WBP11: variants seen among roughly 807,000 people sequenced by gnomAD.
WBP11 encodes the protein WW domain binding protein 11.
WBP11 carries 12 observed loss-of-function variants against 66.7 expected under a neutral mutation model. The observed-to-expected ratio is 0.18, with a 90% CI of 0.12 to 0.29. The LOEUF is 0.29. WBP11 is among the 10% of genes least tolerant of loss of function. WBP11 has a pLI of 1.00. For synonymous variants in WBP11, 255 were observed against 273.8 expected, an observed-to-expected ratio of 0.93 and a Z score of 0.68; for missense variants, 555 against 818.3, an observed-to-expected ratio of 0.68 and a Z score of 3.93.
chr12:14,796,558 G>A lies in WBP11; in HGVS notation c.387+249C>T, dbSNP rs558299102. 6.6e-5 allele frequency among the ~76,000 whole-genome samples: 10 copies of A among 152,228 alleles called. No homozygotes were observed. The highest frequency in any genetic ancestry group is 2.4e-4 in the African/African-American group (10 of 41,548). ...CACACCTGACCTAATGTGATGGGTC[G>A]TAGTTTTGTTTCATGCACAAAATTT... On this transcript the variant is annotated intron_variant, in intron 5 of 11. Coordinates refer to ENST00000261167, the MANE Select transcript of WBP11 (RefSeq NM_016312.3). The surrounding 1 kb of genome is among the most constrained non-coding windows in gnomAD (Gnocchi z 4.5).
At chr12:14,792,890 G>A (rs1456278238) in intron 8 of WBP11, among the ~76,000 whole-genome samples, 1 of 150,756 alleles carries the variant, frequency 6.6e-6, no homozygotes, top group African/African-American at 2.4e-5. Flanking sequence ...AGGAAAAGAA[G>A]GCAAGAGACC....
intron 3 of WBP11, 89 bp downstream of exon 3, chr12:14,800,663 A>T: frequency 8.2e-7 from 1 of 1,214,182 alleles, no homozygotes; most frequent in Non-Finnish European, 1.2e-6. Flanking sequence ...AGAAAATATT[A>T]GAAATGTTAT....
chr12:14,791,402 A>G, intron 8 of WBP11, 132 bp from the exon 9 acceptor site: 1 of 587,278 alleles, frequency 1.7e-6, no homozygotes, highest in South Asian at 2.3e-5. Context: ...TGAGATAGCT[A>G]TACTAATGAT....
In WBP11 at chr12:14,793,711, A is replaced by T; in HGVS notation, c.913+20T>A. On this transcript the variant is annotated intron_variant, in intron 8 of 11. Transcript: ENST00000261167. ...TTTCTCTTTATTGATCAATACCATG[A>T]ATCCTTCATCTGCACATACCTGACT... 6.2e-7 allele frequency: 1 copy of T among 1,610,712 alleles called. No individual in the cohort carries two copies. The highest frequency in any genetic ancestry group is 1.1e-5 in the South Asian group (1 of 90,420).
In WBP11 at chr12:14,789,099, T is replaced by C. The variant is rs775677410; in HGVS notation, c.1344A>G (p.Pro448=). The change falls in exon 11 of 12, where the codon CCA becomes CCG. Residue 448 remains proline, a synonymous_variant. Coordinates refer to ENST00000261167, the MANE Select transcript of WBP11 (RefSeq NM_016312.3). Reference sequence around the variant, plus strand: ...GTCGGGGTAAGGGCCCTCGGAGTCCTGGCATTCCAGGTGGTCTCAGGAATG... The same window carrying C: ...GTCGGGGTAAGGGCCCTCGGAGTCCCGGCATTCCAGGTGGTCTCAGGAATG... The part of the protein sequence containing the change: ...APPFLRPPGM[P]GLRGPLPRLL... 6.6e-7 allele frequency: 1 copy of C among 1,526,624 alleles called. No homozygotes were observed. Among genetic ancestry groups the C allele is most frequent in the South Asian group, 1.3e-5 (1 of 75,140 alleles). The allele number at this position is 1,526,624 out of a possible 1,614,324, so 94.6% of individuals were successfully genotyped here. A position where few individuals can be genotyped will look rare whatever the true frequency, so the allele number is the denominator to read the frequency against.
intron 8 of WBP11, 136 bp downstream of exon 8, chr12:14,793,595 A>G (rs1949849395): frequency 9.6e-7 from 1 of 1,039,686 alleles, no homozygotes. Context: ...CAAAATTTTA[A>G]TATATAAGAT....
chr12:14,796,700 C>T lies in WBP11; in HGVS notation c.387+107G>A, dbSNP rs1949898361. 3 of 1,068,538 alleles carry T rather than the reference C, an allele frequency of 2.8e-6. No homozygotes were observed. In the African/African-American group the frequency reaches 5.0e-5, roughly 18 times the overall value. 66.2% of individuals were successfully genotyped at this position (1,068,538 alleles called of 1,614,324 possible). ...AAACAAAACAAAATATAAAAAAAAC[C>T]CAACAACCCTAAATCCAAAACACTT... On this transcript the variant is annotated intron_variant, in intron 5 of 11. Transcript: ENST00000261167. This position sits in a 1 kb window ranked among gnomAD's most constrained non-coding sequence, Gnocchi z 4.5.
chr12:14,794,877 A>T, intron 6 of WBP11, 94 bp downstream of exon 6: 1 of 1,599,120 alleles, frequency 6.3e-7, no homozygotes, highest in Admixed American at 1.7e-5. Context: ...TTACATCCAT[A>T]TTGTCTTTTA....
Position 14,793,852 on chromosome 12 carries a change from T to A in WBP11, c.792A>T (p.Gln264His). 2 of 1,614,110 alleles carry A rather than the reference T, an allele frequency of 1.2e-6. No individual in the cohort carries two copies. The highest frequency in any genetic ancestry group is 2.2e-5 in the South Asian group (2 of 91,080). Reference sequence around the variant, plus strand: ...CATCAGTACTGTCATCATGCTTATCTTGATCCATGTCCTCAGGATAGCCAT... The same window carrying A: ...CATCAGTACTGTCATCATGCTTATCATGATCCATGTCCTCAGGATAGCCAT... ...EDDGYPEDMD[Q>H]DKHDDSTDDS... Residue 264 changes from glutamine (Q) to histidine (H), a missense_variant, in exon 8 of 12, where the codon CAA becomes CAT. This residue lies in a region of WBP11 where 220 missense variants were observed against 268.2 expected (regional missense o/e 0.82). Coordinates refer to ENST00000261167, the MANE Select transcript of WBP11 (RefSeq NM_016312.3).
chr12:14,788,307 A>G (rs1400984251), intron 11 of WBP11, among the ~76,000 whole-genome samples: 5 of 152,210 alleles, frequency 3.3e-5, no homozygotes, highest in Admixed American at 2.6e-4. Flanking sequence ...ATTACTGGAA[A>G]AGAACTCATG....
Position 14,790,760 on chromosome 12 carries a change from T to A in WBP11, c.1016-11A>T. On this transcript the variant is annotated splice_polypyrimidine_tract_variant and intron_variant, in intron 9 of 11. Coordinates refer to ENST00000261167, the MANE Select transcript of WBP11 (RefSeq NM_016312.3). ...CAGGGATTTCTTGACCTGAAAGAAA[T>A]TTTAAACCCAGTAAATGGAGTTGAT... 1 of 1,607,594 alleles carries A rather than the reference T, an allele frequency of 6.2e-7. No individual in the cohort carries two copies. The highest frequency in any genetic ancestry group is 8.5e-7 in the Non-Finnish European group (1 of 1,176,530).
rs773884944 is a variant in WBP11, at chr12:14,790,778, G to A, written c.1016-29C>T. The stretch of plus-strand genomic sequence containing the variant: ...AAAGAAATTTTAAACCCAGTAAATG[G>A]AGTTGATTCATTTTCTTACAGTTTG... On this transcript the variant is annotated intron_variant, in intron 9 of 11. Coordinates refer to ENST00000261167, the MANE Select transcript of WBP11 (RefSeq NM_016312.3). 48 of 1,588,102 alleles carry A rather than the reference G, an allele frequency of 3.0e-5. No individual in the cohort carries two copies. The African/African-American group carries it at 5.4e-4, about 18-fold the overall frequency.
chr12:14,794,609 G>A lies in WBP11; in HGVS notation c.649C>T (p.Arg217Cys), dbSNP rs202097502. ...AGATCTAGGGCAAAACCCACTTTACGGCCATACATCTGCACGACTTGAGGA... is the reference window on the plus strand; with the variant it reads ...AGATCTAGGGCAAAACCCACTTTACAGCCATACATCTGCACGACTTGAGGA... Reference protein sequence around the residue: ...PPPQVVQMYGRKVGFALDLPP... With the variant: ...PPPQVVQMYGCKVGFALDLPP... Residue 217 changes from arginine (R) to cysteine (C), a missense_variant, in exon 7 of 12, where the codon CGT becomes TGT. Physicochemically the swap from Arg to Cys is radical, Grantham distance 180. Coordinates refer to ENST00000261167, the MANE Select transcript of WBP11 (RefSeq NM_016312.3). 2.9e-5 allele frequency: 46 copies of A among 1,613,902 alleles called. No individual in the cohort carries two copies. Among genetic ancestry groups the A allele is most frequent in the Non-Finnish European group, 3.6e-5 (42 of 1,179,978 alleles).
chr12:14,793,278 T>C (rs972331101), intron 8 of WBP11, among the ~76,000 whole-genome samples: 40 of 152,148 alleles, frequency 2.6e-4, no homozygotes, highest in African/African-American at 9.2e-4. Flanking sequence ...ATTATAGATA[T>C]AATATGTTTC....
At chr12:14,799,984 A>G (rs1051456924) in intron 3 of WBP11, among the ~76,000 whole-genome samples, 1 of 152,174 alleles carries the variant, frequency 6.6e-6, no homozygotes, top group Non-Finnish European at 1.5e-5. Flanking sequence ...TTAAACACAC[A>G]TACACTTTAA....
Position 14,796,770 on chromosome 12 carries a change from AT to A in WBP11, c.387+36del. On this transcript the variant is annotated intron_variant, in intron 5 of 11. Coordinates refer to ENST00000261167, the MANE Select transcript of WBP11 (RefSeq NM_016312.3). This position sits in a 1 kb window ranked among gnomAD's most constrained non-coding sequence, Gnocchi z 4.5. ...ATAAGGGATACTCAATCTGTATAATATTTTAGTTTATCTCTCAAAAAAAAAA... is the reference window on the plus strand; with the variant it reads ...ATAAGGGATACTCAATCTGTATAATATTTAGTTTATCTCTCAAAAAAAAAA... The A allele has an allele frequency of 6.4e-7, 1 of 1,560,812 alleles. No homozygotes were observed.
chr12:14,792,446 G>A (rs985380456), intron 8 of WBP11, among the ~76,000 whole-genome samples: 22 of 149,412 alleles, frequency 1.5e-4, no homozygotes, highest in South Asian at 6.3e-4. Context: ...AAAAAATGCC[G>A]TATATAGTAA....
At chr12:14,791,495 A>G (rs935514554) in intron 8 of WBP11, among the ~76,000 whole-genome samples, 3 of 152,208 alleles carry the variant, frequency 2.0e-5, no homozygotes, top group Non-Finnish European at 2.9e-5. Flanking sequence ...AGAATATACA[A>G]AACTTAAATG....
At chr12:14,789,842 T>C (rs764470392) in intron 10 of WBP11, among the ~76,000 whole-genome samples, 2 of 152,220 alleles carry the variant, frequency 1.3e-5, no homozygotes, top group Non-Finnish European at 2.9e-5. Context: ...ATAGGTAACT[T>C]TGCTTTGCAC....
Sources: gnomAD v4.1 joint callset for allele counts (sites outside exome capture counted in the v4.1 genomes callset) on GRCh38, gnomAD v4.1.1 for gene constraint, gnomAD v4.1.1 regional missense constraint, Gnocchi (gnomAD v3.1) non-coding constraint, MANE v1.5 for transcripts, NCBI Gene and HGNC (gene_info 2026-07-23, HGNC 2026-07-21) for gene names.